SGCE: variants seen among roughly 807,000 people sequenced by gnomAD.
SGCE encodes sarcoglycan epsilon.
SGCE carries 26 observed loss-of-function variants against 57.8 expected under a neutral mutation model. The observed-to-expected ratio is 0.45, with a 90% CI of 0.33 to 0.62. The LOEUF is 0.62. Among genes scored for constraint, SGCE ranks in the 20% least tolerant of loss-of-function variants. SGCE has a pLI of 0.02. For missense variants in SGCE, 468 were observed against 548.6 expected (o/e 0.85, Z 1.47); for synonymous variants, 183 against 189.5 (o/e 0.97, Z 0.28).
chr7:94,598,268 A>G (rs1452877154), intron 9 of SGCE: 1 of 178,300 alleles, frequency 5.6e-6, no homozygotes, highest in Non-Finnish European at 1.2e-5. Flanking sequence ...GTTTGCACTA[A>G]TAAAATAGGT....
intron 5 of SGCE, among the ~76,000 whole-genome samples, chr7:94,611,017 T>C (rs1031226682): frequency 6.6e-6 from 1 of 152,154 alleles, no homozygotes; most frequent in African/African-American, 2.4e-5. Context: ...GGTGAAGATA[T>C]GGAAAAGTTG....
At chr7:94,638,136 G>GACA (rs1805845849) in intron 1 of SGCE, among the ~76,000 whole-genome samples, 1 of 152,210 alleles carries the variant, frequency 6.6e-6, no homozygotes, top group Admixed American at 6.5e-5. Flanking sequence ...TCATGGGCCT[G>GACA]TGTCCTGGAA....
intron 1 of SGCE, among the ~76,000 whole-genome samples, chr7:94,654,450 A>T (rs997933844): frequency 6.6e-6 from 1 of 152,228 alleles, no homozygotes; most frequent in Non-Finnish European, 1.5e-5. Context: ...GGTCACCAGA[A>T]CAGTACTCTA....
In SGCE at chr7:94,656,044, C is replaced by T. The variant is rs767335346; in HGVS notation, c.55G>A (p.Gly19Ser). The change falls in exon 1 of 11, where the codon GGT (glycine) becomes AGT (serine). Residue 19 changes from glycine (G) to serine (S), a missense_variant. Physicochemically the swap from Gly to Ser is moderately conservative, Grantham distance 56. Transcript: ENST00000648936. ...LGDPCAWTGQ[G>S]RGTRRMSPAT... ...GGGCTCATCCTGCGTGTCCCCCGAC[C>T]CTGTCCCGTCCAAGCACAGGGGTCT... 18 of 1,613,476 alleles carry T rather than the reference C, an allele frequency of 1.1e-5. No individual in the cohort carries two copies. In the South Asian group the frequency reaches 2.0e-4, roughly 18 times the overall value.
At chr7:94,616,683 A>T (rs961605821) in intron 5 of SGCE, among the ~76,000 whole-genome samples, 1 of 152,168 alleles carries the variant, frequency 6.6e-6, no homozygotes, top group Non-Finnish European at 1.5e-5. Context: ...GGGCTAAAAA[A>T]TTGTTTCTAT....
intron 5 of SGCE, 177 bp downstream of exon 5, chr7:94,618,581 C>T: frequency 1.7e-6 from 1 of 587,524 alleles, no homozygotes; most frequent in Non-Finnish European, 3.0e-6. Context: ...ATATAAAAAA[C>T]CACTAACACA....
chr7:94,626,644 T>C (rs1365803615), intron 3 of SGCE: 1 of 152,032 alleles, frequency 6.6e-6, no homozygotes, highest in Non-Finnish European at 1.5e-5. Flanking sequence ...ATTGATGGTT[T>C]CCATTTCTTC....
chr7:94,626,021 T>G (rs1269903154), intron 3 of SGCE: 1 of 152,126 alleles, frequency 6.6e-6, no homozygotes, highest in African/African-American at 2.4e-5. Flanking sequence ...TGCAATGCAT[T>G]TTACTGATGG....
At chr7:94,600,956 T>C (rs1799123329) in intron 6 of SGCE, 99 bp from the exon 7 acceptor site, 2 of 994,232 alleles carry the variant, frequency 2.0e-6, no homozygotes, top group Admixed American at 4.1e-5. Context: ...ACAAATTATC[T>C]AAAAAGCCAT....
At chr7:94,596,820 T>C (rs1229539759) in intron 9 of SGCE, among the ~76,000 whole-genome samples, 2 of 152,064 alleles carry the variant, frequency 1.3e-5, no homozygotes, top group Non-Finnish European at 2.9e-5. Context: ...TCCAAGTGTA[T>C]TTGATCATTC....
At chr7:94,624,387 CA>C (rs1242539007) in intron 3 of SGCE, 4 of 394,272 alleles carry the variant, frequency 1.0e-5, no homozygotes, top group Non-Finnish European at 1.8e-5. Flanking sequence ...TGAGTTAGAA[CA>C]GTAAGAATTT....
At position 94,598,763 on chromosome 7, in the gene SGCE, G is replaced by A. The variant is rs1798781147; in HGVS notation, c.1253+12C>T. 2.5e-6 allele frequency: 4 copies of A among 1,571,184 alleles called. No homozygotes were observed. Among genetic ancestry groups the A allele is most frequent in the Admixed American group, 1.7e-5 (1 of 59,944 alleles). On this transcript the variant is annotated intron_variant, in intron 9 of 10. Transcript: ENST00000648936. Reference sequence around the variant, plus strand: ...TGCATATTAATAATTATGGCTCTAAGTGGACACTTACTGCTGCGTTTGCAT... The same window carrying A: ...TGCATATTAATAATTATGGCTCTAAATGGACACTTACTGCTGCGTTTGCAT...
At chr7:94,648,494 C>A (rs1216838539) in intron 1 of SGCE, among the ~76,000 whole-genome samples, 1 of 151,548 alleles carries the variant, frequency 6.6e-6, no homozygotes, top group Non-Finnish European at 1.5e-5. Context: ...ATCTTTGAAG[C>A]ACCTTCACCA....
intron 4 of SGCE, chr7:94,621,646 T>C (rs1408496825): frequency 2.6e-5 from 4 of 152,196 alleles, no homozygotes; most frequent in South Asian, 2.1e-4. Context: ...GAGAGCATAA[T>C]GGTGAGGTGA....
intron 1 of SGCE, chr7:94,639,305 C>T (rs1522543): frequency 2.4e-6 from 3 of 1,253,798 alleles, no homozygotes; most frequent in Admixed American, 2.0e-5. Context: ...TTAATTGGCT[C>T]CCCCAAAGGG....
At position 94,598,880 on chromosome 7, in the gene SGCE, G is replaced by C; in HGVS notation, c.1148C>G (p.Pro383Arg). 1 of 1,613,168 alleles carries C rather than the reference G, an allele frequency of 6.2e-7. No individual in the cohort carries two copies. Among genetic ancestry groups the C allele is most frequent in the Non-Finnish European group, 8.5e-7 (1 of 1,179,238 alleles). Reference protein sequence around the residue: ...DMSKNREIAWPLSTLPVFHPV... With the variant: ...DMSKNREIAWRLSTLPVFHPV... ...GTGGAACACAGGAAGCGTTGACAGG[G>C]GCCATGCTATCTCTCTATTCTTGGA... The change falls in exon 9 of 11, where the codon CCC becomes CGC. Residue 383 changes from proline to arginine, a missense_variant. Coordinates refer to ENST00000648936, the MANE Select transcript of SGCE (RefSeq NM_003919.3).
intron 5 of SGCE, among the ~76,000 whole-genome samples, chr7:94,608,561 T>C (rs530322261): frequency 2.0e-5 from 3 of 152,290 alleles, no homozygotes; most frequent in South Asian, 2.1e-4. Context: ...TTGCAGATAT[T>C]AACAAACTTA....
intron 9 of SGCE, 105 bp downstream of exon 9, chr7:94,598,670 C>G: frequency 1.1e-5 from 9 of 846,334 alleles, no homozygotes; most frequent in African/African-American, 1.0e-4. Flanking sequence ...ATTTTCTCTT[C>G]CAGTTATAAA....
chr7:94,643,253 G>A (rs931636840), intron 1 of SGCE, among the ~76,000 whole-genome samples: 1 of 152,266 alleles, frequency 6.6e-6, no homozygotes, highest in Admixed American at 6.5e-5. Flanking sequence ...TACTAACCCA[G>A]CATAAGATTT....
Sources: gnomAD v4.1 joint callset for allele counts (sites outside exome capture counted in the v4.1 genomes callset) on GRCh38, gnomAD v4.1.1 for gene constraint, MANE v1.5 for transcripts, NCBI Gene and HGNC (gene_info 2026-07-23, HGNC 2026-07-21) for gene names.